Variants in CDC14B observed in about 807,000 individuals in gnomAD.
The protein encoded by CDC14B is dual specificity protein phosphatase CDC14B.
In CDC14B, 22 loss-of-function variants were observed where a neutral mutation model predicts 64.2. The ratio of observed to expected loss-of-function variants is 0.34; its 90% CI spans 0.24 to 0.49. The LOEUF (loss-of-function observed/expected upper bound fraction) is 0.49. Ranked by LOEUF, CDC14B falls within the 20% of genes least tolerant of loss-of-function variation. The pLI, the probability that CDC14B is intolerant of heterozygous loss-of-function variation, is 0.99. For synonymous variants in CDC14B, 191 were observed against 215.8 expected (o/e 0.89, Z 1.01); for missense variants, 498 against 629.9 (o/e 0.79, Z 2.24).
rs1845689310 is a variant in CDC14B, at chr9:96,590,063, GTACACTGCTGCGCAA to G, written c.161-24595_161-24581del. On this transcript the variant is annotated intron_variant, in intron 1 of 13. Transcript: ENST00000375241. ...ACAGTATAATAATGTTAACTTGTAT[GTACACTGCTGCGCAA>G]TACATCTCAAAGTTTTTCACCGTGC... Among the ~76,000 whole-genome samples the G allele has an allele frequency of 2.0e-5, 3 of 152,122 alleles. No individual in the cohort carries two copies. In the South Asian group the frequency reaches 6.2e-4, roughly 32 times the overall value.
chr9:96,563,638 G>T (rs868154189), intron 3 of CDC14B, among the ~76,000 whole-genome samples: 6 of 125,314 alleles, frequency 4.8e-5, no homozygotes, highest in African/African-American at 1.8e-4. Context: ...CAACAAGAGC[G>T]AAACTCTGTC....
chr9:96,617,108 ATTT>A (rs11336438), intron 1 of CDC14B, among the ~76,000 whole-genome samples: 1 of 147,588 alleles, frequency 6.8e-6, no homozygotes, highest in Non-Finnish European at 1.5e-5. Flanking sequence ...ATCTGATAGG[ATTT>A]TTTTTTTTTT....
At chr9:96,612,162 C>T (rs1177470952) in intron 1 of CDC14B, among the ~76,000 whole-genome samples, 4 of 152,324 alleles carry the variant, frequency 2.6e-5, no homozygotes, top group East Asian at 1.9e-4. Flanking sequence ...AAACCTCCTC[C>T]GCTGCTCTGA....
rs141127037 is a variant in CDC14B at position 96,542,518 on chromosome 9, G to A, written c.498-626C>T. On this transcript the variant is annotated intron_variant, in intron 5 of 13. Coordinates refer to ENST00000375241, the MANE Select transcript of CDC14B (RefSeq NM_033331.4). ...TTTTTTTTTTAAACTTTTTTATAGA[G>A]ATAACGTCTTGCCCTGTTGCCCATG... Among the ~76,000 whole-genome samples the A allele has an allele frequency of 2.9e-3, 442 of 152,014 alleles. 12 individuals are homozygous for A. Among genetic ancestry groups the A allele is most frequent in the Admixed American group, 0.022 (331 of 15,268 alleles).
In CDC14B at chr9:96,515,117, T is replaced by A. The variant is rs777481727; in HGVS notation, c.1344-5328A>T. ...GAAAATGAGACAGAGCAGGAAATTC[T>A]GCACACTAAAGAGAGAAGACTTATG... On this transcript the variant is annotated intron_variant, in intron 12 of 13. Transcript: ENST00000375241. This position sits in a 1 kb window ranked among gnomAD's most constrained non-coding sequence, Gnocchi z 4.3. Among the ~76,000 whole-genome samples the A allele has an allele frequency of 3.3e-5, 5 of 152,246 alleles. No individual in the cohort carries two copies. Among genetic ancestry groups the A allele is most frequent in the Non-Finnish European group, 5.9e-5 (4 of 68,042 alleles).
intron 1 of CDC14B, among the ~76,000 whole-genome samples, chr9:96,586,963 A>G (rs1320477062): frequency 6.6e-6 from 1 of 152,192 alleles, no homozygotes; most frequent in East Asian, 1.9e-4. Context: ...ACTTGAGGTC[A>G]GGATTTCGAG....
At chr9:96,559,052 C>T (rs992029188) in intron 4 of CDC14B, among the ~76,000 whole-genome samples, 1 of 152,228 alleles carries the variant, frequency 6.6e-6, no homozygotes, top group African/African-American at 2.4e-5. Context: ...TTGTAACACA[C>T]ATGACGCCTG....
At chr9:96,587,117 GA>G (rs1373875719) in intron 1 of CDC14B, among the ~76,000 whole-genome samples, 2 of 152,076 alleles carry the variant, frequency 1.3e-5, no homozygotes, top group African/African-American at 4.8e-5. Flanking sequence ...TGGCTGCAGT[GA>G]AAAGAGATTG....
rs145847351 is a variant in CDC14B at position 96,523,712 on chromosome 9, G to A, written c.960C>T (p.Arg320=). The A allele has an allele frequency of 1.0e-3, 1,642 of 1,613,026 alleles. 1 individual carries two copies. Among genetic ancestry groups the A allele is most frequent in the Non-Finnish European group, 1.2e-3 (1,470 of 1,179,136 alleles). ...TGTAGCAGGCTATCAGAGTGCCCGT[G>A]CGACCAAGGCCAGCTAGGAAAATAA... ...IAVHCKAGLG[R]TGTLIACYIM... is the part of the protein sequence containing the mutation. The change falls in exon 10 of 14, where the codon CGC becomes CGT. Residue 320 remains arginine (R), a synonymous_variant. Coordinates refer to ENST00000375241, the MANE Select transcript of CDC14B (RefSeq NM_033331.4).
At chr9:96,561,863 C>T (rs1172335743) in intron 4 of CDC14B, among the ~76,000 whole-genome samples, 3 of 151,952 alleles carry the variant, frequency 2.0e-5, no homozygotes, top group Non-Finnish European at 2.9e-5. Flanking sequence ...AGAAACATCC[C>T]CTGGCTACTC....
intron 4 of CDC14B, among the ~76,000 whole-genome samples, chr9:96,562,358 A>G (rs1219633393): frequency 6.6e-6 from 1 of 152,232 alleles, no homozygotes; most frequent in African/African-American, 2.4e-5. Context: ...ACGAGTGAAT[A>G]GAAATAGCTT....
At chr9:96,508,628 G>C (rs1257022480) in intron 13 of CDC14B, among the ~76,000 whole-genome samples, 4 of 152,138 alleles carry the variant, frequency 2.6e-5, no homozygotes, top group Non-Finnish European at 5.9e-5. Flanking sequence ...CCTTATGCCG[G>C]GGCACTGCTG....
rs367741724 is a variant in CDC14B, at chr9:96,607,387, T to TG, written c.160+11831_160+11832insC. ...TTTTTTCATTTTGGAGCAAAGCTGT[T>TG]ATTCACTTCAGGTTAAACGTGATGT... is the stretch of plus-strand genomic sequence containing the variant. On this transcript the variant is annotated intron_variant, in intron 1 of 13. Transcript: ENST00000375241. 2.5e-3 allele frequency among the ~76,000 whole-genome samples: 383 copies of TG among 151,370 alleles called. 2 individuals carry two copies. The highest frequency in any genetic ancestry group is 9.0e-3 in the African/African-American group (372 of 41,340).
intron 10 of CDC14B, 61 bp downstream of exon 10, chr9:96,523,526 T>A: frequency 6.2e-7 from 1 of 1,606,382 alleles, no homozygotes; most frequent in Non-Finnish European, 8.5e-7. Context: ...GAAATTCCAC[T>A]CCCCATCAGA....
intron 1 of CDC14B, among the ~76,000 whole-genome samples, chr9:96,597,955 A>C (rs1031389506): frequency 1.3e-5 from 2 of 152,336 alleles, no homozygotes; most frequent in Admixed American, 1.3e-4. Context: ...CTCCTTAATA[A>C]ATTTCTTGAG....
At chr9:96,517,115 G>A (rs1036015834) in intron 12 of CDC14B, among the ~76,000 whole-genome samples, 29 of 151,352 alleles carry the variant, frequency 1.9e-4, no homozygotes, top group African/African-American at 6.5e-4. Flanking sequence ...TGAGGCAGGT[G>A]GATCACCTGA....
intron 13 of CDC14B, among the ~76,000 whole-genome samples, chr9:96,493,810 G>C (rs562582551): frequency 2.0e-5 from 3 of 152,166 alleles, no homozygotes; most frequent in Admixed American, 2.0e-4. Context: ...GGGTGACAGA[G>C]AAAAACTTCA....
chr9:96,574,166 G>C (rs977396615), intron 1 of CDC14B, among the ~76,000 whole-genome samples: 1 of 150,976 alleles, frequency 6.6e-6, no homozygotes, highest in African/African-American at 2.4e-5. Context: ...AAAAGACCAA[G>C]AAGGGGGCTC....
chr9:96,591,841 G>A (rs1485429982), intron 1 of CDC14B, among the ~76,000 whole-genome samples: 1 of 151,448 alleles, frequency 6.6e-6, no homozygotes. Context: ...CGCCTCCCGG[G>A]TTCACGCCAT....
Sources: gnomAD v4.1 joint callset for allele counts (sites outside exome capture counted in the v4.1 genomes callset) on GRCh38, gnomAD v4.1.1 for gene constraint, Gnocchi (gnomAD v3.1) non-coding constraint, MANE v1.5 for transcripts, NCBI Gene and HGNC (gene_info 2026-07-23, HGNC 2026-07-21) for gene names.